SYNPO2: variants seen among roughly 807,000 people sequenced by gnomAD.
SYNPO2 encodes synaptopodin 2.
SYNPO2 carries 56 observed loss-of-function variants against 85.0 expected under a neutral mutation model. The observed-to-expected ratio is 0.66, with a 90% confidence interval of 0.53 to 0.82. SYNPO2 has a LOEUF of 0.82. Among genes scored for constraint, SYNPO2 ranks in the 40% least tolerant of loss-of-function variants. The pLI, the probability that SYNPO2 is intolerant of heterozygous loss-of-function variation, is 0.00. For synonymous variants in SYNPO2, 602 were observed against 591.1 expected, an observed-to-expected ratio of 1.02 and a Z score of -0.27; for missense variants, 1,575 against 1,534.2, an observed-to-expected ratio of 1.03 and a Z score of -0.44.
intron 1 of SYNPO2, among the ~76,000 whole-genome samples, chr4:118,985,351 T>C (rs1174205837): frequency 6.6e-6 from 1 of 152,202 alleles, no homozygotes; most frequent in Non-Finnish European, 1.5e-5. Flanking sequence ...GCCGTCTGTC[T>C]CTCCTTTCAG....
chr4:118,986,684 G>A (rs1180860154), intron 1 of SYNPO2, among the ~76,000 whole-genome samples: 1 of 152,104 alleles, frequency 6.6e-6, no homozygotes, highest in African/African-American at 2.4e-5. Context: ...TCCAAACCAC[G>A]ACTGGCCGCA....
chr4:118,938,381 T>A (rs1195481641), intron 1 of SYNPO2, among the ~76,000 whole-genome samples: 1 of 152,164 alleles, frequency 6.6e-6, no homozygotes, highest in Non-Finnish European at 1.5e-5. Flanking sequence ...AATTGTTATA[T>A]CGTTATTTTT....
chr4:119,051,558 A>T (rs937496502), intron 4 of SYNPO2, among the ~76,000 whole-genome samples: 2 of 152,274 alleles, frequency 1.3e-5, no homozygotes, highest in South Asian at 2.1e-4. Context: ...ATTGACCAAG[A>T]TGCTCTGGAA....
chr4:118,976,304 G>A (rs992216097), intron 1 of SYNPO2, among the ~76,000 whole-genome samples: 1 of 152,124 alleles, frequency 6.6e-6, no homozygotes, highest in African/African-American at 2.4e-5. Context: ...CGCGTCTGGA[G>A]TTATTCATTC....
intron 1 of SYNPO2, among the ~76,000 whole-genome samples, chr4:118,897,848 C>A (rs1002449012): frequency 2.0e-5 from 3 of 152,142 alleles, no homozygotes; most frequent in African/African-American, 7.2e-5. Context: ...CCAGTTAGGA[C>A]GGGAAGACAG....
At position 119,030,659 on chromosome 4, in the gene SYNPO2, C is replaced by G. The variant is rs756544350; in HGVS notation, c.1884C>G (p.Pro628=). The G allele has an allele frequency of 1.2e-6, 2 of 1,614,160 alleles. No homozygotes were observed. The highest frequency in any genetic ancestry group is 1.7e-6 in the Non-Finnish European group (2 of 1,180,038). Reference sequence around the variant, plus strand: ...CACCTTACTCTGCAGTCACTCCTCCCCCTGACGCCTTCTCCAGAGGGGTTT... The same window carrying G: ...CACCTTACTCTGCAGTCACTCCTCCGCCTGACGCCTTCTCCAGAGGGGTTT... ...APPPYSAVTP[P]PDAFSRGVSS... The change falls in exon 4 of 5, where the codon CCC becomes CCG. Residue 628 remains proline (P), a synonymous_variant. Transcript: ENST00000307142.
At chr4:118,878,834 GGCCACCCCA>G (rs1731978768) in intron 1 of SYNPO2, among the ~76,000 whole-genome samples, 1 of 152,206 alleles carries the variant, frequency 6.6e-6, no homozygotes, top group Non-Finnish European at 1.5e-5. Flanking sequence ...AATAAAAGCT[GGCCACCCCA>G]GCCAGCAGAG....
intron 1 of SYNPO2, among the ~76,000 whole-genome samples, chr4:118,876,226 T>C (rs761429798): frequency 5.3e-5 from 8 of 152,168 alleles, no homozygotes; most frequent in Non-Finnish European, 1.0e-4. Context: ...CACACTTCAA[T>C]TGCACTAGTC....
chr4:119,051,142 T>C (rs1198898937), intron 4 of SYNPO2, among the ~76,000 whole-genome samples: 3 of 150,794 alleles, frequency 2.0e-5, no homozygotes, highest in Admixed American at 2.0e-4. Context: ...CAAGTAGATG[T>C]AATCCATGTT....
At chr4:118,858,068 T>G (rs922818065) in intron 1 of SYNPO2, among the ~76,000 whole-genome samples, 7 of 152,198 alleles carry the variant, frequency 4.6e-5, no homozygotes, top group African/African-American at 1.7e-4. Flanking sequence ...TTTATATTCC[T>G]TTCTTCCCTG....
chr4:118,866,382 A>G (rs998124666), intron 1 of SYNPO2, among the ~76,000 whole-genome samples: 2 of 152,122 alleles, frequency 1.3e-5, no homozygotes, highest in Non-Finnish European at 2.9e-5. Flanking sequence ...GTTGAGAACG[A>G]CTGCTCCAAC....
intron 4 of SYNPO2, chr4:119,033,928 A>G: frequency 1.0e-6 from 1 of 985,408 alleles, no homozygotes; most frequent in Non-Finnish European, 1.2e-6. Flanking sequence ...CAGCTGCAGA[A>G]CAATGGGGCT....
At chr4:118,920,019 G>A (rs948245212) in intron 1 of SYNPO2, among the ~76,000 whole-genome samples, 2 of 152,186 alleles carry the variant, frequency 1.3e-5, no homozygotes, top group African/African-American at 4.8e-5. Context: ...ACTGAAGGCT[G>A]GGAGAGCAGT....
intron 1 of SYNPO2, among the ~76,000 whole-genome samples, chr4:118,900,892 C>G (rs1406790812): frequency 6.6e-6 from 1 of 151,342 alleles, no homozygotes; most frequent in Non-Finnish European, 1.5e-5. Context: ...ACTTCATATA[C>G]TTTTGAGAAC....
In SYNPO2 at chr4:118,954,137, TA is replaced by T. The variant is rs199545916; in HGVS notation, c.105+64997del. ...AGGTTTCATGATACAGTACAGTTAT[TA>T]TATTACAAAGCTGTACTTTCATTTC... On this transcript the variant is annotated intron_variant, in intron 1 of 4. Transcript: ENST00000307142. Among the ~76,000 whole-genome samples the T allele has an allele frequency of 3.5e-4, 54 of 152,326 alleles. No individual in the cohort carries two copies. In the East Asian group the frequency reaches 8.5e-3, roughly 24 times the overall value.
At chr4:118,964,534 GA>G (rs1489207474) in intron 1 of SYNPO2, among the ~76,000 whole-genome samples, 1 of 151,716 alleles carries the variant, frequency 6.6e-6, no homozygotes, top group Non-Finnish European at 1.5e-5. Context: ...GAGAGATATG[GA>G]AAAAATGTTA....
intron 1 of SYNPO2, among the ~76,000 whole-genome samples, chr4:118,876,667 C>CTCTCTCTT (rs1553934664): frequency 2.7e-5 from 3 of 112,092 alleles, no homozygotes; most frequent in South Asian, 3.5e-4. Flanking sequence ...TCCTTCCTTT[C>CTCTCTCTT]TCTTTCTTTC....
intron 1 of SYNPO2, among the ~76,000 whole-genome samples, chr4:118,970,772 C>T (rs1735511052): frequency 6.6e-6 from 1 of 152,198 alleles, no homozygotes; most frequent in Non-Finnish European, 1.5e-5. Context: ...AGGTTCCCTT[C>T]ATCTCAGAAG....
At chr4:118,884,284 C>A (rs1056818031), upstream of SYNPO2, among the ~76,000 whole-genome samples, 3 of 152,242 alleles carry the variant, frequency 2.0e-5, no homozygotes, top group Non-Finnish European at 2.9e-5. Context: ...CCATGAAGGA[C>A]TGACTGTCTC....
Sources: allele counts gnomAD v4.1 joint callset (sites outside exome capture counted in the v4.1 genomes callset), GRCh38; gene constraint gnomAD v4.1.1; transcripts MANE v1.5; gene names NCBI Gene and HGNC (gene_info 2026-07-23, HGNC 2026-07-21).